NUDT3: variants seen among roughly 807,000 people sequenced by gnomAD.
The protein encoded by NUDT3 is nudix hydrolase 3.
A neutral mutation model predicts 23.6 loss-of-function variants in NUDT3; 9 were observed. The observed-to-expected ratio is 0.38, with a 90% CI of 0.23 to 0.66. The LOEUF (loss-of-function observed/expected upper bound fraction) is 0.66. NUDT3 is among the 30% of genes least tolerant of loss of function. The probability of loss-of-function intolerance (pLI) is 0.52; values close to 1 mark genes in which losing one functional copy is unlikely to be tolerated. For missense variants in NUDT3, 172 were observed against 218.5 expected, an observed-to-expected ratio of 0.79 and a Z score of 1.34; for synonymous variants, 86 against 82.6, an observed-to-expected ratio of 1.04 and a Z score of -0.22.
intron 1 of NUDT3, among the ~76,000 whole-genome samples, chr6:34,371,199 G>A (rs1010957653): frequency 8.0e-5 from 12 of 150,782 alleles, no homozygotes; most frequent in South Asian, 4.2e-4. Context: ...GGCCAGGTGC[G>A]GTAGCTCATG....
intron 1 of NUDT3, among the ~76,000 whole-genome samples, chr6:34,366,851 C>T (rs145972093): frequency 0.011 from 1,605 of 151,978 alleles, 14 homozygotes; most frequent in Non-Finnish European, 0.017. Context: ...CTTTTAAATA[C>T]CTAAAGTTGT....
intron 1 of NUDT3, among the ~76,000 whole-genome samples, chr6:34,358,077 G>T (rs1344369853): frequency 6.6e-6 from 1 of 152,086 alleles, no homozygotes; most frequent in Non-Finnish European, 1.5e-5. Flanking sequence ...CGGTTCTATT[G>T]ATTCATTTGC....
At chr6:34,366,880 A>G (rs1053482153) in intron 1 of NUDT3, among the ~76,000 whole-genome samples, 1 of 151,636 alleles carries the variant, frequency 6.6e-6, no homozygotes, top group African/African-American at 2.4e-5. Context: ...TACATTACAT[A>G]TATTTTACCA....
intron 1 of NUDT3, among the ~76,000 whole-genome samples, chr6:34,392,033 T>C (rs987770245): frequency 1.8e-4 from 27 of 152,172 alleles, no homozygotes; most frequent in African/African-American, 6.3e-4. Context: ...ACAAGCCGGC[T>C]ACCCCCTCCG....
chr6:34,340,803 G>A lies in NUDT3; in HGVS notation c.210+1059C>T, dbSNP rs765360326. Among the ~76,000 whole-genome samples the A allele has an allele frequency of 5.3e-5, 8 of 152,204 alleles. No homozygotes were observed. In the South Asian group the frequency reaches 1.2e-3, roughly 24 times the overall value. On this transcript the variant is annotated intron_variant, in intron 2 of 4. Transcript: ENST00000607016. ...AAAGTAAGGATTTTTGATGGGAAAC[G>A]TGATTTTTGCCCTCAGAGAGAACAA...
chr6:34,289,577 A>G (rs912405181), intron 4 of NUDT3, among the ~76,000 whole-genome samples: 2 of 152,136 alleles, frequency 1.3e-5, no homozygotes, highest in African/African-American at 4.8e-5. Flanking sequence ...AGGGGGGAAA[A>G]ATCAACACGA....
At chr6:34,290,573 T>C (rs929050528) in intron 4 of NUDT3, among the ~76,000 whole-genome samples, 2 of 151,308 alleles carry the variant, frequency 1.3e-5, no homozygotes, top group Non-Finnish European at 2.9e-5. Flanking sequence ...ATATGAGACA[T>C]TGCCATTGCT....
At chr6:34,338,969 C>G (rs1007784440) in intron 2 of NUDT3, among the ~76,000 whole-genome samples, 1 of 152,284 alleles carries the variant, frequency 6.6e-6, no homozygotes, top group Non-Finnish European at 1.5e-5. Context: ...TCAAGAAACA[C>G]AGGCCAAGGT....
chr6:34,346,688 A>C (rs1764376016), intron 1 of NUDT3, among the ~76,000 whole-genome samples: 1 of 152,156 alleles, frequency 6.6e-6, no homozygotes, highest in South Asian at 2.1e-4. Flanking sequence ...TGTTACTGGT[A>C]AATAGCTCTC....
chr6:34,365,552 G>C (rs930714497), intron 1 of NUDT3, among the ~76,000 whole-genome samples: 4 of 152,150 alleles, frequency 2.6e-5, no homozygotes, highest in Admixed American at 2.6e-4. Context: ...AGTGAAATAA[G>C]CCAGTCATAA....
chr6:34,365,342 T>C (rs1444121409), intron 1 of NUDT3, among the ~76,000 whole-genome samples: 1 of 151,942 alleles, frequency 6.6e-6, no homozygotes, highest in Non-Finnish European at 1.5e-5. Context: ...GGCAGGAGAA[T>C]CACTTGAACC....
intron 1 of NUDT3, among the ~76,000 whole-genome samples, chr6:34,385,358 C>A (rs1419355140): frequency 6.6e-6 from 1 of 151,908 alleles, no homozygotes; most frequent in Non-Finnish European, 1.5e-5. Context: ...GAGGCCGAGG[C>A]GGGCGGATCA....
chr6:34,350,337 TC>T (rs1355238057), intron 1 of NUDT3, among the ~76,000 whole-genome samples: 1 of 150,778 alleles, frequency 6.6e-6, no homozygotes, highest in East Asian at 1.9e-4. Flanking sequence ...CAGGACCAGA[TC>T]CTATCAAATT....
chr6:34,317,779 C>T (rs1763884342), intron 2 of NUDT3, among the ~76,000 whole-genome samples: 1 of 152,100 alleles, frequency 6.6e-6, no homozygotes, highest in African/African-American at 2.4e-5. Flanking sequence ...TAAATATATA[C>T]AAGAGCAATA....
chr6:34,311,067 A>C (rs1246279619), intron 2 of NUDT3, among the ~76,000 whole-genome samples: 2 of 152,180 alleles, frequency 1.3e-5, no homozygotes, highest in African/African-American at 4.8e-5. Context: ...AAGTACAAAA[A>C]ACTATCGCTA....
Position 34,295,637 on chromosome 6 carries a change from T to C in NUDT3, c.255+4A>G, listed in dbSNP as rs371835909. On this transcript the variant is annotated splice_donor_region_variant and intron_variant, in intron 3 of 4. Coordinates refer to ENST00000607016, the MANE Select transcript of NUDT3 (RefSeq NM_006703.4). The stretch of plus-strand genomic sequence containing the variant: ...ATTTGTACCAAAGATTTTAACAGAC[T>C]TACCTCAAAAATTCCAACTAATCTT... 2.8e-4 allele frequency: 457 copies of C among 1,613,834 alleles called. 1 individual carries two copies. Among genetic ancestry groups the C allele is most frequent in the Non-Finnish European group, 3.6e-4 (424 of 1,179,920 alleles).
chr6:34,338,580 C>T (rs182032101), intron 2 of NUDT3, among the ~76,000 whole-genome samples: 6 of 152,238 alleles, frequency 3.9e-5, no homozygotes, highest in Admixed American at 6.5e-5. Flanking sequence ...ATTTGCTGAA[C>T]GGACAAATAA....
intron 1 of NUDT3, among the ~76,000 whole-genome samples, chr6:34,343,848 T>C (rs142685251): frequency 2.7e-4 from 41 of 152,310 alleles, no homozygotes; most frequent in South Asian, 1.0e-3. Context: ...ATATATTTAA[T>C]ACAGGTCCAG....
chr6:34,350,129 G>T (rs1764444968), intron 1 of NUDT3, among the ~76,000 whole-genome samples: 1 of 150,750 alleles, frequency 6.6e-6, no homozygotes, highest in African/African-American at 2.5e-5. Flanking sequence ...GATTATCTAT[G>T]GTGATAATCT....
Sources: gnomAD v4.1 joint callset for allele counts (sites outside exome capture counted in the v4.1 genomes callset) on GRCh38, gnomAD v4.1.1 for gene constraint, MANE v1.5 for transcripts, NCBI Gene and HGNC (gene_info 2026-07-23, HGNC 2026-07-21) for gene names.